Variants in MPEG1 observed in about 807,000 individuals in gnomAD.
MPEG1 encodes the protein macrophage-expressed gene 1 protein.
For synonymous variants in MPEG1, 365 were observed against 351.9 expected, an observed-to-expected ratio of 1.04 and a Z score of -0.42; for missense variants, 876 against 880.3, an observed-to-expected ratio of 1.00 and a Z score of 0.06.
At position 59,210,705 on chromosome 11, in the gene MPEG1, G is replaced by C. The variant is rs747665278; in HGVS notation, c.*10C>G. On this transcript the variant is annotated 3_prime_UTR_variant, in exon 1 of 1. Coordinates refer to ENST00000361050, the MANE Select transcript of MPEG1 (RefSeq NM_001039396.2). ...ACTGGAGATGAGAGAAACCATTTTC[G>C]GGGAGAGATTTAAGCTGGACTCTGC... 1.9e-6 allele frequency: 3 copies of C among 1,607,996 alleles called. No homozygotes were observed. The highest frequency in any genetic ancestry group is 2.2e-5 in the East Asian group (1 of 44,818).
At position 59,209,981 on chromosome 11, in the gene MPEG1, C is replaced by T. The variant is rs1448846200; in HGVS notation, c.*734G>A. On this transcript the variant is annotated 3_prime_UTR_variant, in exon 1 of 1. Coordinates refer to ENST00000361050, the MANE Select transcript of MPEG1 (RefSeq NM_001039396.2). ...GCACCAGAATCTTTTCCAGTTTTTA[C>T]CCATCTTTCATTACTCCTTGTCTCC... The T allele has an allele frequency of 1.3e-5, 2 of 151,970 alleles. No individual in the cohort carries two copies. Among genetic ancestry groups the T allele is most frequent in the Non-Finnish European group, 2.9e-5 (2 of 68,000 alleles). The allele number at this position is 151,970 out of a possible 1,614,324, so 9.4% of individuals were successfully genotyped here.
At position 59,211,028 on chromosome 11, in the gene MPEG1, G is replaced by A. The variant is rs774314099; in HGVS notation, c.1838C>T (p.Thr613Ile). 7 of 1,614,160 alleles carry A rather than the reference G, an allele frequency of 4.3e-6. No individual in the cohort carries two copies. In the Admixed American group the frequency reaches 1.0e-4, roughly 23 times the overall value. Residue 613 changes from threonine (T) to isoleucine (I), a missense_variant, in exon 1 of 1, where the codon ACC (threonine) becomes ATC (isoleucine). By Grantham distance (89) the Thr-to-Ile change is moderately conservative (BLOSUM62 -1). Coordinates refer to ENST00000361050, the MANE Select transcript of MPEG1 (RefSeq NM_001039396.2). ...CCAGGATCTCGCATTCTCAGAATTG[G>A]TCACTATGACAGTATTGGTGGCAGC... The part of the protein sequence containing the change: ...SQAATNTVIV[T>I]NSENARSWIK...
At position 59,211,488 on chromosome 11, in the gene MPEG1, A is replaced by G; in HGVS notation, c.1378T>C (p.Phe460Leu). ...EDVFQVAKAE[F>L]RAFWCVASSQ... Reference sequence around the variant, plus strand: ...CTGGCCACACACCAAAAAGCCCTAAATTCAGCTTTTGCCACCTGGAACACA... The same window carrying G: ...CTGGCCACACACCAAAAAGCCCTAAGTTCAGCTTTTGCCACCTGGAACACA... Residue 460 changes from phenylalanine to leucine, a missense_variant, in exon 1 of 1, where the codon TTT (phenylalanine) becomes CTT (leucine). Transcript: ENST00000361050. 6.2e-7 allele frequency: 1 copy of G among 1,614,192 alleles called. No individual in the cohort carries two copies. Among genetic ancestry groups the G allele is most frequent in the Admixed American group, 1.7e-5 (1 of 60,028 alleles).
In MPEG1 at chr11:59,209,750, C is replaced by T. The variant is rs867513536; in HGVS notation, c.*965G>A. On this transcript the variant is annotated 3_prime_UTR_variant, in exon 1 of 1. Coordinates refer to ENST00000361050, the MANE Select transcript of MPEG1 (RefSeq NM_001039396.2). Reference sequence around the variant, plus strand: ...CATGCAGACATTGAAATGTGGTGTGCGTGTGTGTGTGTGTGTGTGTGTGTG... The same window carrying T: ...CATGCAGACATTGAAATGTGGTGTGTGTGTGTGTGTGTGTGTGTGTGTGTG... 2.5e-3 allele frequency: 207 copies of T among 81,510 alleles called. No homozygotes were observed. Among genetic ancestry groups the T allele is most frequent in the South Asian group, 3.4e-3 (9 of 2,664 alleles). 5.0% of individuals were successfully genotyped at this position (81,510 alleles called of 1,614,324 possible).
rs779043338 is a variant in MPEG1, at chr11:59,212,045, C to G, written c.821G>C (p.Arg274Thr). ...AGGAACCCCTCCAATGCTCTGCACC[C>G]TGGAGTTGGTTCGGTTTGAGAGGTA... ...KSYLSNRTNS[R>T]VQSIGGVPFY... is the part of the protein sequence containing the mutation. Residue 274 changes from arginine (R) to threonine (T), a missense_variant, in exon 1 of 1, where the codon AGG becomes ACG. Arg to Thr is a moderately conservative substitution (Grantham distance 71). Transcript: ENST00000361050. 4 of 1,612,382 alleles carry G rather than the reference C, an allele frequency of 2.5e-6. No individual in the cohort carries two copies. The highest frequency in any genetic ancestry group is 2.7e-5 in the African/African-American group (2 of 74,870).
rs1355031089 is a variant in MPEG1 at position 59,211,845 on chromosome 11, A to G, written c.1021T>C (p.Tyr341His). Residue 341 changes from tyrosine to histidine, a missense_variant, in exon 1 of 1, where the codon TAT (tyrosine) becomes CAT (histidine). Physicochemically the swap from Tyr to His is moderately conservative, Grantham distance 83 (BLOSUM62 2). Transcript: ENST00000361050. Reference sequence around the variant, plus strand: ...CCAGGGTAGGTGTTGAATGTATAATAGCGCTTCACAGCAGTTTCCACTGTC... The same window carrying G: ...CCAGGGTAGGTGTTGAATGTATAATGGCGCTTCACAGCAGTTTCCACTGTC... ...SKTVETAVKR[Y>H]YTFNTYPGCT... The G allele has an allele frequency of 6.2e-7, 1 of 1,614,088 alleles. No individual in the cohort carries two copies. The highest frequency in any genetic ancestry group is 8.5e-7 in the Non-Finnish European group (1 of 1,180,042).
rs936079799 is a variant in MPEG1 at position 59,210,081 on chromosome 11, C to T, written c.*634G>A. ...GACTTGATGACACCAGTCAGAAGTCCAAGAGTGGTCTGGTATAAGGGAGTG... is the reference window on the plus strand; with the variant it reads ...GACTTGATGACACCAGTCAGAAGTCTAAGAGTGGTCTGGTATAAGGGAGTG... On this transcript the variant is annotated 3_prime_UTR_variant, in exon 1 of 1. Coordinates refer to ENST00000361050, the MANE Select transcript of MPEG1 (RefSeq NM_001039396.2). The T allele has an allele frequency of 2.0e-5, 3 of 152,006 alleles. No individual in the cohort carries two copies. Among genetic ancestry groups the T allele is most frequent in the African/African-American group, 7.3e-5 (3 of 41,344 alleles). 9.4% of individuals were successfully genotyped at this position (152,006 alleles called of 1,614,324 possible).
rs1862868560 is a variant in MPEG1 at position 59,209,989 on chromosome 11, T to C, written c.*726A>G. On this transcript the variant is annotated 3_prime_UTR_variant, in exon 1 of 1. Coordinates refer to ENST00000361050, the MANE Select transcript of MPEG1 (RefSeq NM_001039396.2). Reference sequence around the variant, plus strand: ...ATCTTTTCCAGTTTTTACCCATCTTTCATTACTCCTTGTCTCCAAATCATC... The same window carrying C: ...ATCTTTTCCAGTTTTTACCCATCTTCCATTACTCCTTGTCTCCAAATCATC... 6.6e-6 allele frequency: 1 copy of C among 152,122 alleles called. No homozygotes were observed. Among genetic ancestry groups the C allele is most frequent in the African/African-American group, 2.4e-5 (1 of 41,406 alleles). 9.4% of individuals were successfully genotyped at this position (152,122 alleles called of 1,614,324 possible).
chr11:59,211,095 C>T lies in MPEG1; in HGVS notation c.1771G>A (p.Ala591Thr), dbSNP rs1355192306. 3.1e-6 allele frequency: 5 copies of T among 1,614,186 alleles called. No individual in the cohort carries two copies. The highest frequency in any genetic ancestry group is 4.2e-6 in the Non-Finnish European group (5 of 1,180,030). ...GGCCGGGTGAAAGGTGGGAGCCTGG[C>T]AGGGGGCAGGGACCCTCCTGTGAAG... Reference protein sequence around the residue: ...GLFTGGSLPPARLPPFTRPPL... With the variant: ...GLFTGGSLPPTRLPPFTRPPL... Residue 591 changes from alanine to threonine, a missense_variant, in exon 1 of 1, where the codon GCC becomes ACC. By Grantham distance (58) the Ala-to-Thr change is moderately conservative (BLOSUM62 0). Transcript: ENST00000361050.
At position 59,212,704 on chromosome 11, in the gene MPEG1, C is replaced by T; in HGVS notation, c.162G>A (p.Leu54=). The part of the protein sequence containing the change: ...EVLPGGGWDN[L]RNVDMGRVME... The stretch of plus-strand genomic sequence containing the variant: ...TAACTCGTCCCATGTCCACATTCCG[C>T]AGATTGTCCCAGCCCCCTCCAGGTA... The change falls in exon 1 of 1, where the codon CTG becomes CTA. Residue 54 remains leucine, a synonymous_variant. Coordinates refer to ENST00000361050, the MANE Select transcript of MPEG1 (RefSeq NM_001039396.2). The T allele has an allele frequency of 2.5e-6, 4 of 1,614,222 alleles. No individual in the cohort carries two copies. The highest frequency in any genetic ancestry group is 3.4e-6 in the Non-Finnish European group (4 of 1,180,046).
Position 59,212,898 on chromosome 11 carries a change from A to T in MPEG1, c.-33T>A, listed in dbSNP as rs745865260. ...ACAGCCCCAGCCACTCACCAGCCCT[A>T]CACAGCGGCCAGCAAGCTTTGGGCA... is the stretch of plus-strand genomic sequence containing the variant. On this transcript the variant is annotated 5_prime_UTR_variant, in exon 1 of 1. Transcript: ENST00000361050. The T allele has an allele frequency of 3.2e-6, 5 of 1,575,064 alleles. No individual in the cohort carries two copies. In the African/African-American group the frequency reaches 6.8e-5, roughly 21 times the overall value.
Position 59,211,178 on chromosome 11 carries a change from T to A in MPEG1, c.1688A>T (p.Gln563Leu). 6.2e-7 allele frequency: 1 copy of A among 1,614,218 alleles called. No homozygotes were observed. The highest frequency in any genetic ancestry group is 2.2e-5 in the East Asian group (1 of 44,880). The change falls in exon 1 of 1, where the codon CAG (glutamine) becomes CTG (leucine). Residue 563 changes from glutamine to leucine, a missense_variant. Physicochemically the swap from Gln to Leu is moderately radical, Grantham distance 113. Transcript: ENST00000361050. Reference sequence around the variant, plus strand: ...TCCATCGCTGATGAGGGCTGGGTGCTGGCTGAAGCCCCCGGGGCACTTTTT... The same window carrying A: ...TCCATCGCTGATGAGGGCTGGGTGCAGGCTGAAGCCCCCGGGGCACTTTTT... Reference protein sequence around the residue: ...SLKKCPGGFSQHPALISDGCQ... With the variant: ...SLKKCPGGFSLHPALISDGCQ...
In MPEG1 at chr11:59,211,644, C is replaced by T; in HGVS notation, c.1222G>A (p.Gly408Ser). The T allele has an allele frequency of 6.2e-7, 1 of 1,614,140 alleles. No homozygotes were observed. Among genetic ancestry groups the T allele is most frequent in the South Asian group, 1.1e-5 (1 of 91,084 alleles). The change falls in exon 1 of 1, where the codon GGT becomes AGT. Residue 408 changes from glycine to serine, a missense_variant. Gly to Ser is a moderately conservative substitution (Grantham distance 56). Coordinates refer to ENST00000361050, the MANE Select transcript of MPEG1 (RefSeq NM_001039396.2). ...TAGCCAGAGGGGCAGGAGAAATCACCAGTGAGTGGATTCTTCTGCTCCAAC... is the reference window on the plus strand; with the variant it reads ...TAGCCAGAGGGGCAGGAGAAATCACTAGTGAGTGGATTCTTCTGCTCCAAC... ...QKLEQKNPLT[G>S]DFSCPSGYSP...
chr11:59,210,894 C>T lies in MPEG1; in HGVS notation c.1972G>A (p.Ala658Thr). ...DGGGLSGGAAAGVTVGVTTIL... is the reference protein window; with the variant it reads ...DGGGLSGGAATGVTVGVTTIL... Reference sequence around the variant, plus strand: ...GTGGTGACCCCCACTGTGACCCCAGCTGCAGCCCCTCCTGACAGACCACCA... The same window carrying T: ...GTGGTGACCCCCACTGTGACCCCAGTTGCAGCCCCTCCTGACAGACCACCA... Residue 658 changes from alanine (A) to threonine (T), a missense_variant, in exon 1 of 1, where the codon GCT becomes ACT. Ala to Thr is a moderately conservative substitution (Grantham distance 58). Coordinates refer to ENST00000361050, the MANE Select transcript of MPEG1 (RefSeq NM_001039396.2). The T allele has an allele frequency of 5.6e-6, 9 of 1,614,186 alleles. No homozygotes were observed. The highest frequency in any genetic ancestry group is 7.6e-6 in the Non-Finnish European group (9 of 1,180,030).
Position 59,210,719 on chromosome 11 carries a change from G to A in MPEG1, c.2147C>T (p.Ala716Val), listed in dbSNP as rs201054934. The A allele has an allele frequency of 1.0e-3, 1,661 of 1,613,054 alleles. 27 individuals are homozygous for A. The South Asian group carries it at 0.017, about 17-fold the overall frequency. Reference sequence around the variant, plus strand: ...AAACCATTTTCGGGGAGAGATTTAAGCTGGACTCTGCCCCTGCTCTTGGTA... The same window carrying A: ...AAACCATTTTCGGGGAGAGATTTAAACTGGACTCTGCCCCTGCTCTTGGTA... Reference protein sequence around the residue: ...TTYQEQGQSPA With the variant: ...TTYQEQGQSPV The change falls in exon 1 of 1, where the codon GCT (alanine) becomes GTT (valine). Residue 716 changes from alanine to valine, a missense_variant. Transcript: ENST00000361050.
In MPEG1 at chr11:59,210,973, C is replaced by T. The variant is rs1862880820; in HGVS notation, c.1893G>A (p.Arg631=). The T allele has an allele frequency of 6.2e-7, 1 of 1,614,066 alleles. No individual in the cohort carries two copies. The highest frequency in any genetic ancestry group is 1.7e-5 in the Admixed American group (1 of 60,006). ...WIKDSQTHQW[R]LGEPIELRRA... ...TCCGCAGCTCTATCGGTTCTCCCAG[C>T]CTCCACTGGTGGGTCTGGGAGTCTT... Residue 631 remains arginine (R), a synonymous_variant, in exon 1 of 1, where the codon AGG becomes AGA. Coordinates refer to ENST00000361050, the MANE Select transcript of MPEG1 (RefSeq NM_001039396.2).
Position 59,211,451 on chromosome 11 carries a change from G to A in MPEG1, c.1415C>T (p.Pro472Leu), listed in dbSNP as rs140135813. 260 of 1,614,184 alleles carry A rather than the reference G, an allele frequency of 1.6e-4. No homozygotes were observed. The African/African-American group carries it at 3.1e-3, about 20-fold the overall frequency. ...CCCAAAAAGCAGTCCTGAGTTTTCA[G>A]GTACTTGGCTGCTGGCCACACACCA... The part of the protein sequence containing the change: ...AFWCVASSQV[P>L]ENSGLLFGGL... The change falls in exon 1 of 1, where the codon CCT becomes CTT. Residue 472 changes from proline to leucine, a missense_variant. By Grantham distance (98) the Pro-to-Leu change is moderately conservative. Coordinates refer to ENST00000361050, the MANE Select transcript of MPEG1 (RefSeq NM_001039396.2).
At position 59,209,373 on chromosome 11, in the gene MPEG1, A is replaced by G. The variant is rs983142194; in HGVS notation, c.*1342T>C. The stretch of plus-strand genomic sequence containing the variant: ...GACATTTGATTCAGTGAATAAATAT[A>G]TCATTTAAAAAAATATTGTAGGGGG... On this transcript the variant is annotated 3_prime_UTR_variant, in exon 1 of 1. Coordinates refer to ENST00000361050, the MANE Select transcript of MPEG1 (RefSeq NM_001039396.2). 1.3e-5 allele frequency: 2 copies of G among 152,246 alleles called. No individual in the cohort carries two copies. The highest frequency in any genetic ancestry group is 4.8e-5 in the African/African-American group (2 of 41,452). The allele number at this position is 152,246 out of a possible 1,614,324, so 9.4% of individuals were successfully genotyped here.
rs566090995 is a variant in MPEG1 at position 59,209,592 on chromosome 11, T to C, written c.*1123A>G. 1.3e-5 allele frequency: 2 copies of C among 152,252 alleles called. No individual in the cohort carries two copies. The allele number at this position is 152,252 out of a possible 1,614,324, so 9.4% of individuals were successfully genotyped here. A position where few individuals can be genotyped will look rare whatever the true frequency, so the allele number is the denominator to read the frequency against. On this transcript the variant is annotated 3_prime_UTR_variant, in exon 1 of 1. Coordinates refer to ENST00000361050, the MANE Select transcript of MPEG1 (RefSeq NM_001039396.2). ...TCATTTGAAAACATGGATTTGATCA[T>C]GTCAGCTCCCTTTCTGCTGGAAAAA...
Sources: gnomAD v4.1 joint callset for allele counts on GRCh38, gnomAD v4.1.1 for gene constraint, MANE v1.5 for transcripts, NCBI Gene and HGNC (gene_info 2026-07-23, HGNC 2026-07-21) for gene names.